AKAP6: variants seen among roughly 807,000 people sequenced by gnomAD.
AKAP6 encodes the protein A-kinase anchor protein 6.
In AKAP6, 58 loss-of-function variants were observed where a neutral mutation model predicts 188.5. That is an observed-to-expected ratio of 0.31 (90% CI 0.25 to 0.38). AKAP6 has a LOEUF of 0.38. Among genes scored for constraint, AKAP6 ranks in the 10% least tolerant of loss-of-function variants. The pLI is 1.00. For synonymous variants in AKAP6, 989 were observed against 998.6 expected (o/e 0.99, Z 0.18); for missense variants, 2,710 against 2,740.0 (o/e 0.99, Z 0.24).
intron 11 of AKAP6, among the ~76,000 whole-genome samples, chr14:32,760,389 A>G (rs1396618638): frequency 1.3e-5 from 2 of 152,230 alleles, no homozygotes; most frequent in Admixed American, 6.5e-5. Flanking sequence ...GGATCAATGC[A>G]TTTTAGAGAA....
At chr14:32,702,557 A>G (rs1008126518) in intron 9 of AKAP6, among the ~76,000 whole-genome samples, 37 of 143,112 alleles carry the variant, frequency 2.6e-4, no homozygotes, top group Non-Finnish European at 5.1e-4. Context: ...CTTTAAAAAG[A>G]AAAAAAAAAA....
At position 32,824,779 on chromosome 14, in the gene AKAP6, A is replaced by T. The variant is rs765810645; in HGVS notation, c.*6A>T. On this transcript the variant is annotated 3_prime_UTR_variant, in exon 13 of 14. Transcript: ENST00000280979. ...ATAGAAATATGCATAGGTAGAATGT[A>T]CCCCCTCCCCAAGCATGAAAATCAT... The T allele has an allele frequency of 6.2e-7, 1 of 1,603,610 alleles. No homozygotes were observed. The highest frequency in any genetic ancestry group is 8.5e-7 in the Non-Finnish European group (1 of 1,175,606).
intron 12 of AKAP6, among the ~76,000 whole-genome samples, chr14:32,798,367 C>T (rs183191775): frequency 5.9e-4 from 90 of 152,200 alleles, no homozygotes; most frequent in African/African-American, 2.0e-3. Flanking sequence ...ACCATTTGAC[C>T]CAGCAATCCC....
Position 32,422,528 on chromosome 14 carries a change from A to T in AKAP6, c.-34-10932A>T, listed in dbSNP as rs555776150. 3.9e-5 allele frequency among the ~76,000 whole-genome samples: 6 copies of T among 152,332 alleles called. 1 individual carries two copies. The South Asian group carries it at 1.2e-3, about 32-fold the overall frequency. ...TGTTGATGTGTGACAATGCACATGG[A>T]ATACCACCAATTTGGGAAGCTTGTC... is the stretch of plus-strand genomic sequence containing the variant. On this transcript the variant is annotated intron_variant, in intron 1 of 13. Coordinates refer to ENST00000280979, the MANE Select transcript of AKAP6 (RefSeq NM_004274.5).
At chr14:32,666,852 T>C (rs1035608872) in intron 7 of AKAP6, among the ~76,000 whole-genome samples, 2 of 152,112 alleles carry the variant, frequency 1.3e-5, no homozygotes, top group Admixed American at 6.6e-5. Flanking sequence ...GCTACAGATA[T>C]CAAATTATAA....
chr14:32,472,650 CAACT>C (rs1326152349), intron 2 of AKAP6, among the ~76,000 whole-genome samples: 2 of 152,100 alleles, frequency 1.3e-5, no homozygotes, highest in Non-Finnish European at 2.9e-5. Flanking sequence ...TTCTCTGCAC[CAACT>C]GTCTCCTGCA....
In AKAP6 at chr14:32,546,844, G is replaced by A. The variant is rs139751571; in HGVS notation, c.2191G>A (p.Ala731Thr). Residue 731 changes from alanine (A) to threonine (T), a missense_variant, in exon 4 of 14, where the codon GCT (alanine) becomes ACT (threonine). Physicochemically the swap from Ala to Thr is moderately conservative, Grantham distance 58. Transcript: ENST00000280979. Reference sequence around the variant, plus strand: ...TGATGAGGAGTCCAGTATGCCTCTCGCTGGCATGAAAAAGTATGCTGATGA... The same window carrying A: ...TGATGAGGAGTCCAGTATGCCTCTCACTGGCATGAAAAAGTATGCTGATGA... ...LSDEESSMPLAGMKKYADEKS... is the reference protein window; with the variant it reads ...LSDEESSMPLTGMKKYADEKS... 518 of 1,613,914 alleles carry A rather than the reference G, an allele frequency of 3.2e-4. No individual in the cohort carries two copies. In the African/African-American group the frequency reaches 6.1e-3, roughly 19 times the overall value.
chr14:32,355,058 T>A (rs910007883), intron 1 of AKAP6, among the ~76,000 whole-genome samples: 13 of 152,206 alleles, frequency 8.5e-5, no homozygotes, highest in African/African-American at 2.7e-4. Flanking sequence ...CATCCTCATT[T>A]CCTGTCCTTT....
intron 7 of AKAP6, among the ~76,000 whole-genome samples, chr14:32,613,356 T>C (rs1179466450): frequency 1.3e-5 from 2 of 152,200 alleles, no homozygotes; most frequent in Non-Finnish European, 2.9e-5. Flanking sequence ...CTAATGGGAA[T>C]TTTTGGTCCA....
chr14:32,441,938 G>A (rs139334183), intron 2 of AKAP6, among the ~76,000 whole-genome samples: 132 of 152,242 alleles, frequency 8.7e-4, no homozygotes, highest in African/African-American at 3.1e-3. Context: ...GTGTTATTGG[G>A]GTTTTTTAAA....
At chr14:32,653,767 G>A (rs1029125042) in intron 7 of AKAP6, among the ~76,000 whole-genome samples, 2 of 152,198 alleles carry the variant, frequency 1.3e-5, no homozygotes, top group African/African-American at 4.8e-5. Flanking sequence ...GTTTGTATTC[G>A]TTCATTTGCT....
chr14:32,355,786 T>C (rs59102552), intron 1 of AKAP6, among the ~76,000 whole-genome samples: 23,843 of 148,426 alleles, frequency 0.16, 2,054 homozygotes, highest in East Asian at 0.37. Context: ...CTTTTCTTTT[T>C]TTTTTTGAGA....
chr14:32,558,725 C>T (rs532868529), intron 4 of AKAP6, among the ~76,000 whole-genome samples: 1 of 152,292 alleles, frequency 6.6e-6, no homozygotes, highest in East Asian at 1.9e-4. Flanking sequence ...AGATAGAGGT[C>T]GTCCTGAGGT....
chr14:32,671,240 T>C (rs1889178711), intron 7 of AKAP6, among the ~76,000 whole-genome samples: 1 of 151,928 alleles, frequency 6.6e-6, no homozygotes, highest in South Asian at 2.1e-4. Flanking sequence ...CACAAGCAAA[T>C]GCCCCGAGAG....
chr14:32,736,431 CTGTA>C lies in AKAP6; in HGVS notation c.3372+553_3372+556del, dbSNP rs199660721. ...CTGAGCAATACAATATTCATTTTCACTGTATGTCCATGGAGAGGCATTTCCCCTG... is the reference window on the plus strand; with the variant it reads ...CTGAGCAATACAATATTCATTTTCACTGTCCATGGAGAGGCATTTCCCCTG... On this transcript the variant is annotated intron_variant, in intron 11 of 13. Transcript: ENST00000280979. 3.3e-4 allele frequency among the ~76,000 whole-genome samples: 51 copies of C among 152,246 alleles called. No individual in the cohort carries two copies. In the East Asian group the frequency reaches 9.8e-3, roughly 29 times the overall value.
At chr14:32,438,194 C>G (rs1890450877) in intron 2 of AKAP6, among the ~76,000 whole-genome samples, 1 of 152,180 alleles carries the variant, frequency 6.6e-6, no homozygotes, top group Admixed American at 6.5e-5. Context: ...GGGCATTGCT[C>G]TCCCACTAGG....
chr14:32,676,606 G>A (rs1233735217), intron 7 of AKAP6, among the ~76,000 whole-genome samples: 3 of 152,124 alleles, frequency 2.0e-5, no homozygotes, highest in African/African-American at 7.2e-5. Context: ...CCAATTGAGT[G>A]TCTTCTTATT....
chr14:32,448,558 G>T (rs1438546552), intron 2 of AKAP6, among the ~76,000 whole-genome samples: 1 of 152,206 alleles, frequency 6.6e-6, no homozygotes, highest in Non-Finnish European at 1.5e-5. Flanking sequence ...CAACTACAAA[G>T]TGGTAGAGCT....
intron 2 of AKAP6, among the ~76,000 whole-genome samples, chr14:32,527,804 G>A (rs1882208055): frequency 6.6e-6 from 1 of 152,008 alleles, no homozygotes; most frequent in South Asian, 2.1e-4. Context: ...TGGGTTGTTT[G>A]TTTTCTTTTT....
Sources: gnomAD v4.1 joint callset for allele counts (sites outside exome capture counted in the v4.1 genomes callset) on GRCh38, gnomAD v4.1.1 for gene constraint, MANE v1.5 for transcripts, NCBI Gene and HGNC (gene_info 2026-07-23, HGNC 2026-07-21) for gene names.